PIK3CB: variants seen among roughly 807,000 people sequenced by gnomAD.
The protein encoded by PIK3CB is phosphatidylinositol 4,5-bisphosphate 3-kinase catalytic subunit beta isoform.
A neutral mutation model predicts 136.8 loss-of-function variants in PIK3CB; 39 were observed. The ratio of observed to expected loss-of-function variants is 0.29; its 90% confidence interval spans 0.22 to 0.37. The LOEUF (loss-of-function observed/expected upper bound fraction) is 0.37. PIK3CB is among the 10% of genes least tolerant of loss of function. The probability of loss-of-function intolerance (pLI) is 1.00; values close to 1 mark genes in which losing one functional copy is unlikely to be tolerated. For missense variants in PIK3CB, 868 were observed against 1,275.4 expected (o/e 0.68, Z 4.87); for synonymous variants, 428 against 436.6 (o/e 0.98, Z 0.25).
intron 8 of PIK3CB, among the ~76,000 whole-genome samples, chr3:138,725,452 T>C (rs1470944794): frequency 6.6e-6 from 1 of 152,228 alleles, no homozygotes; most frequent in Non-Finnish European, 1.5e-5. Flanking sequence ...CTCTTATTTT[T>C]CTCAAAGTCA....
At chr3:138,754,446 A>C (rs997421818) in intron 4 of PIK3CB, among the ~76,000 whole-genome samples, 2 of 152,186 alleles carry the variant, frequency 1.3e-5, no homozygotes, top group Admixed American at 1.3e-4. Flanking sequence ...TGTCACCAAA[A>C]AAACAAAAAC....
intron 2 of PIK3CB, among the ~76,000 whole-genome samples, chr3:138,760,885 C>T (rs572929719): frequency 6.6e-6 from 1 of 152,072 alleles, no homozygotes; most frequent in Non-Finnish European, 1.5e-5. Context: ...CCAGCCTGGA[C>T]AACAAAGTGA....
intron 4 of PIK3CB, among the ~76,000 whole-genome samples, chr3:138,746,671 AAATT>A (rs1378766066): frequency 1.3e-5 from 2 of 151,982 alleles, no homozygotes; most frequent in South Asian, 2.1e-4. Flanking sequence ...AAAAATAAAT[AAATT>A]AATTAATTAA....
At chr3:138,724,208 G>A (rs1196817695) in intron 8 of PIK3CB, among the ~76,000 whole-genome samples, 1 of 152,084 alleles carries the variant, frequency 6.6e-6, no homozygotes, top group Non-Finnish European at 1.5e-5. Flanking sequence ...GCCCTCCTCA[G>A]GTTCAATTTG....
At chr3:138,817,769 G>A (rs964283379) in intron 1 of PIK3CB, among the ~76,000 whole-genome samples, 4 of 152,186 alleles carry the variant, frequency 2.6e-5, no homozygotes, top group East Asian at 3.9e-4. Flanking sequence ...AAAGGTATAC[G>A]ATCTAGAAGG....
chr3:138,685,420 A>AAAAAAG (rs2043866681), intron 16 of PIK3CB, among the ~76,000 whole-genome samples: 3 of 86,990 alleles, frequency 3.4e-5, no homozygotes, highest in East Asian at 1.3e-3. Context: ...AAAAAAAAAA[A>AAAAAAG]AAAGAAAGAA....
chr3:138,780,718 GA>G (rs1179339678), intron 2 of PIK3CB, among the ~76,000 whole-genome samples: 1 of 151,962 alleles, frequency 6.6e-6, no homozygotes, highest in East Asian at 1.9e-4. Context: ...ATGCAGGCTG[GA>G]ATACAGTGGC....
intron 21 of PIK3CB, 23 bp from the exon 22 acceptor site, chr3:138,657,858 T>C: frequency 6.2e-7 from 1 of 1,600,214 alleles, no homozygotes; most frequent in Non-Finnish European, 8.5e-7. Context: ...TGGGATTTAA[T>C]TTCCTTCATT....
At chr3:138,818,005 G>A (rs184287151) in intron 1 of PIK3CB, among the ~76,000 whole-genome samples, 84 of 152,168 alleles carry the variant, frequency 5.5e-4, no homozygotes, top group Non-Finnish European at 1.0e-3. Flanking sequence ...GTCAAGATGG[G>A]GCTGGGCATG....
intron 2 of PIK3CB, among the ~76,000 whole-genome samples, chr3:138,762,280 T>C (rs1212886561): frequency 6.6e-6 from 1 of 152,088 alleles, no homozygotes; most frequent in Admixed American, 6.6e-5. Flanking sequence ...AAACAAAACC[T>C]ATCTTTGAAA....
chr3:138,815,864 A>G (rs761637200), intron 1 of PIK3CB, among the ~76,000 whole-genome samples: 26 of 152,230 alleles, frequency 1.7e-4, no homozygotes, highest in Non-Finnish European at 3.7e-4. Context: ...ATTGCATTCA[A>G]ATAAATAATT....
At chr3:138,733,318 AT>A (rs1304979725) in intron 8 of PIK3CB, 42 bp downstream of exon 8, 1 of 880,022 alleles carries the variant, frequency 1.1e-6, no homozygotes, top group Non-Finnish European at 1.9e-6. Flanking sequence ...AGTTATTCAA[AT>A]ACTGGAGCGG....
intron 22 of PIK3CB, among the ~76,000 whole-genome samples, chr3:138,657,001 C>T (rs1270756906): frequency 1.3e-5 from 2 of 152,090 alleles, no homozygotes; most frequent in Non-Finnish European, 2.9e-5. Context: ...CTCCGACCTC[C>T]AGTGATCTGT....
intron 5 of PIK3CB, among the ~76,000 whole-genome samples, chr3:138,739,441 C>CA (rs1243111739): frequency 6.7e-6 from 1 of 149,982 alleles, no homozygotes; most frequent in African/African-American, 2.5e-5. Flanking sequence ...GACTCCGACT[C>CA]AAAAAAATAA....
intron 9 of PIK3CB, 74 bp downstream of exon 9, chr3:138,714,394 T>C: frequency 3.1e-6 from 3 of 979,554 alleles, no homozygotes; most frequent in Non-Finnish European, 4.5e-6. Context: ...TAACTTATAT[T>C]ACTCAATTAT....
At chr3:138,702,488 G>T (rs558056999) in intron 12 of PIK3CB, among the ~76,000 whole-genome samples, 2 of 152,090 alleles carry the variant, frequency 1.3e-5, no homozygotes, top group Non-Finnish European at 2.9e-5. Flanking sequence ...CTCTGATTTA[G>T]GTCAGGTACA....
At chr3:138,729,555 C>A (rs191952020) in intron 8 of PIK3CB, among the ~76,000 whole-genome samples, 1 of 152,180 alleles carries the variant, frequency 6.6e-6, no homozygotes, top group Non-Finnish European at 1.5e-5. Flanking sequence ...AGACAGAATT[C>A]TTCCTGCTTG....
chr3:138,699,879 C>T (rs1359073954), intron 12 of PIK3CB, among the ~76,000 whole-genome samples: 1 of 151,934 alleles, frequency 6.6e-6, no homozygotes. Context: ...TTACTTTATA[C>T]CCAGGGGCAA....
At chr3:138,690,204 T>C (rs2043978160) in intron 15 of PIK3CB, among the ~76,000 whole-genome samples, 1 of 151,416 alleles carries the variant, frequency 6.6e-6, no homozygotes, top group South Asian at 2.1e-4. Flanking sequence ...ATAGAGCTTA[T>C]TGCCTTTGAG....
Sources: gnomAD v4.1 joint callset for allele counts (sites outside exome capture counted in the v4.1 genomes callset) on GRCh38, gnomAD v4.1.1 for gene constraint, MANE v1.5 for transcripts, NCBI Gene and HGNC (gene_info 2026-07-23, HGNC 2026-07-21) for gene names.